Variants in OR9Q1 observed in about 807,000 individuals in gnomAD.
The protein encoded by OR9Q1 is olfactory receptor 9Q1.
For missense variants in OR9Q1, 374 were observed against 378.8 expected, an observed-to-expected ratio of 0.99 and a Z score of 0.11; for synonymous variants, 153 against 148.6, an observed-to-expected ratio of 1.03 and a Z score of -0.22.
chr11:58,046,111 G>A (rs1590553854), intron 1 of OR9Q1, among the ~76,000 whole-genome samples: 1 of 152,332 alleles, frequency 6.6e-6, no homozygotes, highest in South Asian at 2.1e-4. Flanking sequence ...GTGGTCTGAG[G>A]AAGGAGAAGC....
At chr11:58,139,719 T>C (rs1016438957) in intron 2 of OR9Q1, among the ~76,000 whole-genome samples, 6 of 152,084 alleles carry the variant, frequency 3.9e-5, no homozygotes, top group African/African-American at 9.7e-5. Flanking sequence ...GTCTTTGCTA[T>C]TGTGAATAGT....
chr11:58,091,016 A>G (rs942259950), intron 2 of OR9Q1, among the ~76,000 whole-genome samples: 11 of 151,666 alleles, frequency 7.3e-5, no homozygotes, highest in African/African-American at 2.7e-4. Flanking sequence ...CATTGTGTCT[A>G]TTCGATTCCT....
At chr11:58,043,720 G>A (rs1853188881) in intron 1 of OR9Q1, among the ~76,000 whole-genome samples, 2 of 152,302 alleles carry the variant, frequency 1.3e-5, no homozygotes, top group Admixed American at 1.3e-4. Flanking sequence ...GCATTGCCAA[G>A]TCTCCCTGCC....
chr11:58,123,759 C>A (rs911789458), intron 2 of OR9Q1, among the ~76,000 whole-genome samples: 1 of 152,126 alleles, frequency 6.6e-6, no homozygotes, highest in Admixed American at 6.5e-5. Flanking sequence ...ACCCTTTATG[C>A]AGATCCAAGC....
intron 2 of OR9Q1, among the ~76,000 whole-genome samples, chr11:58,115,224 T>A (rs545295236): frequency 1.3e-5 from 2 of 152,320 alleles, no homozygotes; most frequent in South Asian, 4.1e-4. Flanking sequence ...TGTATTGATA[T>A]ACGTATGCAC....
intron 2 of OR9Q1, among the ~76,000 whole-genome samples, chr11:58,070,173 T>A (rs569894129): frequency 4.5e-4 from 67 of 147,744 alleles, no homozygotes; most frequent in Non-Finnish European, 9.5e-4. Flanking sequence ...GCATAATTTT[T>A]GTATTTTTTT....
intron 2 of OR9Q1, among the ~76,000 whole-genome samples, chr11:58,139,680 T>C (rs530165942): frequency 1.7e-3 from 258 of 152,232 alleles, no homozygotes; most frequent in African/African-American, 5.6e-3. Context: ...ATCCAGTCTA[T>C]CATTGTTGGA....
chr11:58,163,735 T>C (rs922643276), intron 2 of OR9Q1, among the ~76,000 whole-genome samples: 3 of 152,220 alleles, frequency 2.0e-5, no homozygotes, highest in African/African-American at 7.2e-5. Context: ...ATTCTACCTA[T>C]TCTAGGTAAA....
chr11:58,026,373 T>G (rs1033886002), intron 1 of OR9Q1, among the ~76,000 whole-genome samples: 9 of 152,160 alleles, frequency 5.9e-5, no homozygotes, highest in Non-Finnish European at 8.8e-5. Context: ...ATGGTACATG[T>G]GCAGGCTTGT....
chr11:58,110,715 T>C (rs754146983), intron 2 of OR9Q1, among the ~76,000 whole-genome samples: 3 of 152,210 alleles, frequency 2.0e-5, no homozygotes, highest in African/African-American at 2.4e-5. Flanking sequence ...TCTACTTTAA[T>C]TGTTACCTCT....
intron 2 of OR9Q1, among the ~76,000 whole-genome samples, chr11:58,177,646 T>C (rs1381560580): frequency 1.3e-5 from 2 of 152,220 alleles, no homozygotes; most frequent in Admixed American, 1.3e-4. Flanking sequence ...AACCCAAGAA[T>C]GGCTTATGGG....
At chr11:58,172,740 C>A (rs953664347) in intron 2 of OR9Q1, among the ~76,000 whole-genome samples, 1 of 152,108 alleles carries the variant, frequency 6.6e-6, no homozygotes, top group Non-Finnish European at 1.5e-5. Context: ...TATTTTGATA[C>A]AGCCATGCAA....
At position 58,152,101 on chromosome 11, in the gene OR9Q1, T is replaced by C. The variant is rs2119897963; in HGVS notation, c.-14-27330T>C. On this transcript the variant is annotated intron_variant, in intron 2 of 2. Transcript: ENST00000335397. Reference sequence around the variant, plus strand: ...CCAGAAATTACAGATGGAGTAGTGATTCTACTCAATCTGTAACTGGTATTA... The same window carrying C: ...CCAGAAATTACAGATGGAGTAGTGACTCTACTCAATCTGTAACTGGTATTA... Among the ~76,000 whole-genome samples the C allele has an allele frequency of 1.3e-5, 2 of 152,250 alleles. 1 individual carries two copies. Among genetic ancestry groups the C allele is most frequent in the Admixed American group, 1.3e-4 (2 of 15,284 alleles).
chr11:58,042,313 A>G (rs919945815), intron 1 of OR9Q1, among the ~76,000 whole-genome samples: 24 of 151,960 alleles, frequency 1.6e-4, no homozygotes, highest in African/African-American at 5.6e-4. Flanking sequence ...ATCTTGAATT[A>G]ATTTTTGTAT....
chr11:58,048,627 C>G (rs866665584), intron 1 of OR9Q1, among the ~76,000 whole-genome samples: 7 of 149,530 alleles, frequency 4.7e-5, no homozygotes, highest in South Asian at 2.1e-4. Context: ...TGAGATCGCA[C>G]CACTGCACTC....
chr11:58,155,822 CT>C (rs528821045), intron 2 of OR9Q1, among the ~76,000 whole-genome samples: 43 of 149,452 alleles, frequency 2.9e-4, no homozygotes, highest in African/African-American at 4.9e-4. Flanking sequence ...ATGGCAAATT[CT>C]TTTTTTTTGA....
intron 2 of OR9Q1, among the ~76,000 whole-genome samples, chr11:58,146,421 A>G (rs977721524): frequency 3.9e-5 from 6 of 152,194 alleles, no homozygotes; most frequent in Non-Finnish European, 8.8e-5. Flanking sequence ...CAGCAAATAT[A>G]TGCTATCTAC....
intron 2 of OR9Q1, among the ~76,000 whole-genome samples, chr11:58,141,942 C>T (rs1016556160): frequency 6.6e-6 from 1 of 152,136 alleles, no homozygotes; most frequent in Non-Finnish European, 1.5e-5. Context: ...ACATGTCTCC[C>T]AAAGACCTGA....
At chr11:58,091,899 CT>C (rs1041801001) in intron 2 of OR9Q1, among the ~76,000 whole-genome samples, 15 of 151,438 alleles carry the variant, frequency 9.9e-5, no homozygotes, top group Admixed American at 3.9e-4. Flanking sequence ...ATGTAATACC[CT>C]TCTTTGTCTT....
Sources: gnomAD v4.1 joint callset for allele counts (sites outside exome capture counted in the v4.1 genomes callset) on GRCh38, gnomAD v4.1.1 for gene constraint, MANE v1.5 for transcripts, NCBI Gene and HGNC (gene_info 2026-07-23, HGNC 2026-07-21) for gene names.